SPATA18: variants seen among roughly 807,000 people sequenced by gnomAD.
The protein encoded by SPATA18 is mitochondria-eating protein.
A neutral mutation model predicts 68.1 loss-of-function variants in SPATA18; 54 were observed. The ratio of observed to expected loss-of-function variants is 0.79; its 90% confidence interval spans 0.64 to 0.99. The LOEUF is 0.99. Ranked by LOEUF, SPATA18 falls within the 50% of genes least tolerant of loss-of-function variation. SPATA18 has a pLI of 0.00. For synonymous variants in SPATA18, 242 were observed against 244.8 expected (o/e 0.99, Z 0.11); for missense variants, 724 against 681.1 (o/e 1.06, Z -0.70).
At position 52,072,072 on chromosome 4, in the gene SPATA18, C is replaced by T. The variant is rs1300233642; in HGVS notation, c.674C>T (p.Ala225Val). 3.1e-6 allele frequency: 5 copies of T among 1,613,904 alleles called. No individual in the cohort carries two copies. The South Asian group carries it at 3.3e-5, about 11-fold the overall frequency. The change falls in exon 6 of 13, where the codon GCC (alanine) becomes GTC (valine). Residue 225 changes from alanine (A) to valine (V), a missense_variant. Transcript: ENST00000295213. ...KQNADQQDTEAMSDYKKQLRN... is the reference protein window; with the variant it reads ...KQNADQQDTEVMSDYKKQLRN... ...AATGCAGACCAGCAGGACACAGAAG[C>T]CATGTCCGATTATAAGAAACAGCTC...
At chr4:52,058,987 A>G (rs1307207745) in intron 1 of SPATA18, among the ~76,000 whole-genome samples, 4 of 152,246 alleles carry the variant, frequency 2.6e-5, no homozygotes, top group African/African-American at 9.6e-5. Context: ...AGCCTGGCAT[A>G]TAGGAGAGAT....
chr4:52,077,242 T>C (rs1740461607), intron 7 of SPATA18, among the ~76,000 whole-genome samples: 1 of 146,102 alleles, frequency 6.8e-6, no homozygotes, highest in Non-Finnish European at 1.5e-5. Flanking sequence ...CTTCCTTCCT[T>C]GTTCCCTCCA....
At chr4:52,078,929 G>T (rs767979126) in intron 8 of SPATA18, 36 bp downstream of exon 8, 14 of 1,521,652 alleles carry the variant, frequency 9.2e-6, no homozygotes, top group Admixed American at 1.8e-5. Flanking sequence ...CTGGTTTGCT[G>T]CTGCTGCTGC....
At chr4:52,092,231 G>C (rs1445066583) in intron 11 of SPATA18, among the ~76,000 whole-genome samples, 1 of 151,982 alleles carries the variant, frequency 6.6e-6, no homozygotes, top group African/African-American at 2.4e-5. Context: ...CTGTTTTGCT[G>C]GTGTTCCAGG....
At chr4:52,089,631 C>T (rs1034567164) in intron 11 of SPATA18, among the ~76,000 whole-genome samples, 3 of 152,164 alleles carry the variant, frequency 2.0e-5, no homozygotes, top group Non-Finnish European at 2.9e-5. Flanking sequence ...AATTTGATTG[C>T]TCTGTGATCT....
At chr4:52,080,276 C>T (rs1178805094) in intron 9 of SPATA18, among the ~76,000 whole-genome samples, 1 of 152,192 alleles carries the variant, frequency 6.6e-6, no homozygotes, top group African/African-American at 2.4e-5. Context: ...ATCAGAATTA[C>T]TCAAGGTACT....
At chr4:52,052,601 C>A (rs1016913072) in intron 1 of SPATA18, among the ~76,000 whole-genome samples, 2 of 152,272 alleles carry the variant, frequency 1.3e-5, no homozygotes, top group African/African-American at 4.8e-5. Flanking sequence ...GAACTGTGGA[C>A]CGGAAATTAG....
intron 7 of SPATA18, 151 bp downstream of exon 7, chr4:52,077,191 T>G (rs1461461819): frequency 2.4e-5 from 20 of 830,666 alleles, no homozygotes; most frequent in Non-Finnish European, 2.9e-5. Flanking sequence ...TTCCTTCTCT[T>G]TCTTCCTCCT....
Position 52,095,916 on chromosome 4 carries a change from T to C in SPATA18, c.*1029T>C, listed in dbSNP as rs1164233892. On this transcript the variant is annotated 3_prime_UTR_variant, in exon 13 of 13. Coordinates refer to ENST00000295213, the MANE Select transcript of SPATA18 (RefSeq NM_145263.4). ...AGAATGGAATGTTGCTTTCTTGCAATAAGTAATGTTCTTTCTGCCTTTTTT... is the reference window on the plus strand; with the variant it reads ...AGAATGGAATGTTGCTTTCTTGCAACAAGTAATGTTCTTTCTGCCTTTTTT... 1 of 152,208 alleles carries C rather than the reference T, an allele frequency of 6.6e-6. No individual in the cohort carries two copies. The highest frequency in any genetic ancestry group is 1.5e-5 in the Non-Finnish European group (1 of 68,038). The allele number at this position is 152,208 out of a possible 1,614,324, so 9.4% of individuals were successfully genotyped here. A position where few individuals can be genotyped will look rare whatever the true frequency, so the allele number is the denominator to read the frequency against.
rs750378980 is a variant in SPATA18, at chr4:52,078,712, A to T, written c.1021-23A>T. ...TCACCTACCTCTTTTCACCAAATAA[A>T]TTTGCTGCATTTTTATGTGCAGGAG... is the stretch of plus-strand genomic sequence containing the variant. On this transcript the variant is annotated intron_variant, in intron 7 of 12. Transcript: ENST00000295213. 5 of 1,502,364 alleles carry T rather than the reference A, an allele frequency of 3.3e-6. No individual in the cohort carries two copies. In the East Asian group the frequency reaches 1.2e-4, roughly 35 times the overall value. The allele number at this position is 1,502,364 out of a possible 1,614,324, so 93.1% of individuals were successfully genotyped here. A position where few individuals can be genotyped will look rare whatever the true frequency, so the allele number is the denominator to read the frequency against.
chr4:52,067,606 T>C (rs747652264), intron 4 of SPATA18, among the ~76,000 whole-genome samples: 1 of 152,042 alleles, frequency 6.6e-6, no homozygotes, highest in Non-Finnish European at 1.5e-5. Flanking sequence ...CTCTTTATTA[T>C]CCTCCAAGTC....
At chr4:52,090,026 A>G (rs1741797365) in intron 11 of SPATA18, among the ~76,000 whole-genome samples, 2 of 152,138 alleles carry the variant, frequency 1.3e-5, no homozygotes. Flanking sequence ...TCCCTTTACC[A>G]TTATGTAATG....
intron 11 of SPATA18, among the ~76,000 whole-genome samples, chr4:52,087,252 G>T (rs1320030980): frequency 3.3e-5 from 5 of 152,124 alleles, no homozygotes; most frequent in Admixed American, 6.5e-5. Flanking sequence ...CTTTTGCTGT[G>T]CAAAAGCTCT....
In SPATA18 at chr4:52,096,751, A is replaced by ATGTT. The variant is rs1464539678; in HGVS notation, c.*1866_*1869dup. 4.9e-5 allele frequency: 5 copies of ATGTT among 101,522 alleles called. No individual in the cohort carries two copies. The highest frequency in any genetic ancestry group is 1.3e-4 in the African/African-American group (5 of 37,848). 6.3% of individuals were successfully genotyped at this position (101,522 alleles called of 1,614,324 possible). On this transcript the variant is annotated 3_prime_UTR_variant, in exon 13 of 13. Coordinates refer to ENST00000295213, the MANE Select transcript of SPATA18 (RefSeq NM_145263.4). ...CTGAAGTGGTGGGCAATTCTTGTTA[A>ATGTT]TGTTTTAAACAAAAAAAAAAAAACC... is the stretch of plus-strand genomic sequence containing the variant.
intron 4 of SPATA18, among the ~76,000 whole-genome samples, chr4:52,066,153 T>C (rs545481855): frequency 2.4e-4 from 36 of 152,098 alleles, no homozygotes; most frequent in Non-Finnish European, 5.0e-4. Context: ...TTCTTTTTTG[T>C]TTTTGTTTTT....
At chr4:52,059,091 T>A (rs1738606575) in intron 1 of SPATA18, among the ~76,000 whole-genome samples, 1 of 152,094 alleles carries the variant, frequency 6.6e-6, no homozygotes, top group Non-Finnish European at 1.5e-5. Context: ...AATGCAGGGG[T>A]GGGAATACAA....
chr4:52,083,044 G>T (rs1741088411), intron 10 of SPATA18: 1 of 985,352 alleles, frequency 1.0e-6, no homozygotes, highest in Non-Finnish European at 1.2e-6. Flanking sequence ...ATATCCATTG[G>T]TTATAGAATG....
At chr4:52,079,940 A>G (rs765717264) in intron 9 of SPATA18, 21 bp downstream of exon 9, 69 of 1,604,628 alleles carry the variant, frequency 4.3e-5, no homozygotes, top group Non-Finnish European at 5.7e-5. Context: ...CAGGAGCAGA[A>G]GCTAAGGGAT....
rs1332328576 is a variant in SPATA18, at chr4:52,076,972, C to G, written c.952C>G (p.Gln318Glu). The part of the protein sequence containing the change: ...DSYSQARLDA[Q>E]CLLRRCIDKA... ...CTATTCCCAGGCCCGCCTGGACGCG[C>G]AGTGCCTGCTGCGGCGCTGCATCGA... The change falls in exon 7 of 13, where the codon CAG (glutamine) becomes GAG (glutamate). Residue 318 changes from glutamine (Q) to glutamate (E), a missense_variant. Gln to Glu is a conservative substitution (Grantham distance 29, BLOSUM62 2). Coordinates refer to ENST00000295213, the MANE Select transcript of SPATA18 (RefSeq NM_145263.4). The G allele has an allele frequency of 1.2e-6, 2 of 1,613,976 alleles. No homozygotes were observed. Among genetic ancestry groups the G allele is most frequent in the Non-Finnish European group, 1.7e-6 (2 of 1,179,952 alleles).
Sources: allele counts gnomAD v4.1 joint callset (sites outside exome capture counted in the v4.1 genomes callset), GRCh38; gene constraint gnomAD v4.1.1; transcripts MANE v1.5; gene names NCBI Gene and HGNC (gene_info 2026-07-23, HGNC 2026-07-21).